RORA: variants seen among roughly 807,000 people sequenced by gnomAD.
The protein encoded by RORA is nuclear receptor ROR-alpha.
RORA carries 7 observed loss-of-function variants against 69.5 expected under a neutral mutation model. That is an observed-to-expected ratio of 0.10 (90% CI 0.06 to 0.19). RORA has a LOEUF of 0.19. Among genes scored for constraint, RORA ranks in the 10% least tolerant of loss-of-function variants. The pLI, the probability that RORA is intolerant of heterozygous loss-of-function variation, is 1.00. For synonymous variants in RORA, 261 were observed against 240.8 expected (o/e 1.08, Z -0.78); for missense variants, 457 against 663.0 (o/e 0.69, Z 3.41).
At chr15:61,155,973 T>G (rs2079438309) in intron 1 of RORA, among the ~76,000 whole-genome samples, 1 of 152,178 alleles carries the variant, frequency 6.6e-6, no homozygotes, top group South Asian at 2.1e-4. Context: ...AAGACACCGT[T>G]GACGTCTCAG....
chr15:60,578,957 G>GT (rs2068109230), intron 2 of RORA, among the ~76,000 whole-genome samples: 1 of 151,488 alleles, frequency 6.6e-6, no homozygotes, highest in Non-Finnish European at 1.5e-5. Flanking sequence ...TAGGGATGGG[G>GT]TTTCACCATG....
At chr15:60,677,052 G>A in intron 2 of RORA, 2 of 379,322 alleles carry the variant, frequency 5.3e-6, no homozygotes, top group South Asian at 1.8e-5. Context: ...AGGTGGCCAG[G>A]AGTCCATACC....
chr15:60,601,093 A>G (rs1447656843), intron 2 of RORA: 3 of 152,208 alleles, frequency 2.0e-5, no homozygotes, highest in Non-Finnish European at 4.4e-5. Flanking sequence ...CCTAAACATT[A>G]TGCTGCAACT....
chr15:61,121,618 A>C (rs1311577835), intron 1 of RORA, among the ~76,000 whole-genome samples: 1 of 152,152 alleles, frequency 6.6e-6, no homozygotes, highest in Non-Finnish European at 1.5e-5. Context: ...GGGCAAGAAG[A>C]AATGCCCTCC....
intron 1 of RORA, among the ~76,000 whole-genome samples, chr15:60,837,652 G>T (rs1267741926): frequency 6.6e-6 from 1 of 152,166 alleles, no homozygotes; most frequent in Non-Finnish European, 1.5e-5. Flanking sequence ...CCTTGCCCTT[G>T]GTTTCCCTGT....
At chr15:60,936,645 A>G (rs1171975354) in intron 1 of RORA, among the ~76,000 whole-genome samples, 1 of 152,262 alleles carries the variant, frequency 6.6e-6, no homozygotes, top group Non-Finnish European at 1.5e-5. Context: ...TGGTTCTGCC[A>G]GAGTGACGGG....
chr15:60,524,706 T>C (rs2066289750), intron 3 of RORA, among the ~76,000 whole-genome samples: 1 of 152,202 alleles, frequency 6.6e-6, no homozygotes, highest in Non-Finnish European at 1.5e-5. Context: ...GAGAAGTCAA[T>C]AAATACTTGT....
At chr15:60,788,011 T>C (rs192157947) in intron 1 of RORA, among the ~76,000 whole-genome samples, 51 of 152,290 alleles carry the variant, frequency 3.3e-4, no homozygotes, top group African/African-American at 1.2e-3. Context: ...GGCACACAAA[T>C]AGTGAATCAC....
intron 1 of RORA, among the ~76,000 whole-genome samples, chr15:60,779,612 T>C (rs1295167196): frequency 6.6e-6 from 1 of 152,224 alleles, no homozygotes; most frequent in African/African-American, 2.4e-5. Flanking sequence ...TTGCAGCCTT[T>C]CACTATATGA....
intron 2 of RORA, among the ~76,000 whole-genome samples, chr15:60,653,238 C>T (rs1053140529): frequency 7.9e-5 from 12 of 152,080 alleles, no homozygotes; most frequent in African/African-American, 2.9e-4. Flanking sequence ...GGAAAACTGG[C>T]TGCCACATAT....
chr15:60,553,622 A>G (rs2067281110), intron 2 of RORA, among the ~76,000 whole-genome samples: 1 of 152,304 alleles, frequency 6.6e-6, no homozygotes, highest in African/African-American at 2.4e-5. Flanking sequence ...ACTGAGAAAC[A>G]GCAGAAAAAG....
chr15:60,958,264 C>A (rs187545292), intron 1 of RORA, among the ~76,000 whole-genome samples: 26 of 152,252 alleles, frequency 1.7e-4, no homozygotes, highest in African/African-American at 6.0e-4. Context: ...ATTACCTGAG[C>A]CTTTGCGTGC....
intron 1 of RORA, among the ~76,000 whole-genome samples, chr15:61,170,015 A>AT (rs1453529140): frequency 5.9e-5 from 9 of 152,118 alleles, no homozygotes; most frequent in Non-Finnish European, 1.3e-4. Context: ...CTAGAATTGG[A>AT]TGTGGGTGTG....
intron 1 of RORA, among the ~76,000 whole-genome samples, chr15:60,864,817 A>G (rs1461965390): frequency 6.6e-6 from 1 of 152,212 alleles, no homozygotes; most frequent in African/African-American, 2.4e-5. Flanking sequence ...CCTTTGTGCT[A>G]TGTGCTTTAT....
intron 1 of RORA, among the ~76,000 whole-genome samples, chr15:60,872,968 T>A (rs1426272830): frequency 6.6e-6 from 1 of 152,116 alleles, no homozygotes; most frequent in Non-Finnish European, 1.5e-5. Flanking sequence ...CCTACTCAAC[T>A]TTTCTTTTCC....
At chr15:60,580,390 T>G (rs2068157753) in intron 2 of RORA, among the ~76,000 whole-genome samples, 1 of 152,174 alleles carries the variant, frequency 6.6e-6, no homozygotes, top group African/African-American at 2.4e-5. Context: ...TGCACTAACT[T>G]AGGTCCAGTT....
At chr15:61,106,266 C>T (rs1194393826) in intron 1 of RORA, among the ~76,000 whole-genome samples, 1 of 152,108 alleles carries the variant, frequency 6.6e-6, no homozygotes, top group Non-Finnish European at 1.5e-5. Context: ...TGGGCCTTTC[C>T]CACAAGGTAT....
chr15:61,214,904 C>CA (rs1286091759), intron 1 of RORA, among the ~76,000 whole-genome samples: 52 of 130,986 alleles, frequency 4.0e-4, no homozygotes, highest in East Asian at 1.1e-3. Flanking sequence ...CTTGCTGTGT[C>CA]CCCAGGCTGG....
intron 1 of RORA, among the ~76,000 whole-genome samples, chr15:60,824,414 C>T (rs537557118): frequency 2.6e-5 from 4 of 151,316 alleles, no homozygotes; most frequent in Admixed American, 2.6e-4. Context: ...TGACAGAAGA[C>T]AACTGGCTCT....
Sources: gnomAD v4.1 joint callset for allele counts (sites outside exome capture counted in the v4.1 genomes callset) on GRCh38, gnomAD v4.1.1 for gene constraint, MANE v1.5 for transcripts, NCBI Gene and HGNC (gene_info 2026-07-23, HGNC 2026-07-21) for gene names.